The following TET3 variants were observed in gnomAD, a reference collection of about 807,000 sequenced individuals.
TET3 encodes the protein methylcytosine dioxygenase TET3.
Under a neutral mutation model 141.4 loss-of-function variants are expected in TET3, and 19 were observed. The ratio of observed to expected loss-of-function variants is 0.13; its 90% CI spans 0.09 to 0.20. The LOEUF is 0.20. Among genes scored for constraint, TET3 ranks in the 10% least tolerant of loss-of-function variants. TET3 has a pLI of 1.00. For missense variants in TET3, 1,874 were observed against 2,356.9 expected (o/e 0.80, Z 4.24); for synonymous variants, 1,043 against 980.9 (o/e 1.06, Z -1.18).
chr2:74,002,158 T>A (rs1684880749), intron 2 of TET3, among the ~76,000 whole-genome samples: 1 of 152,200 alleles, frequency 6.6e-6, no homozygotes, highest in Non-Finnish European at 1.5e-5. Context: ...CTCTGCTGTT[T>A]CCTAGCCGCA....
intron 3 of TET3, among the ~76,000 whole-genome samples, chr2:74,004,941 G>A (rs1011626425): frequency 4.6e-5 from 7 of 152,150 alleles, no homozygotes; most frequent in Non-Finnish European, 8.8e-5. Context: ...CAGGCCAACG[G>A]GATGAGGACA....
At chr2:74,023,886 C>T (rs1686202025) in intron 3 of TET3, among the ~76,000 whole-genome samples, 1 of 152,094 alleles carries the variant, frequency 6.6e-6, no homozygotes, top group South Asian at 2.1e-4. Context: ...GGAGAGTCAT[C>T]TCTTGGATTC....
At chr2:74,043,659 T>G (rs1200616429) in intron 3 of TET3, among the ~76,000 whole-genome samples, 2 of 152,112 alleles carry the variant, frequency 1.3e-5, no homozygotes, top group East Asian at 3.9e-4. Flanking sequence ...CCTGGTGACA[T>G]CAGAGAACAT....
chr2:74,117,233 T>C, the TET3 span, among the ~76,000 whole-genome samples: 1 of 152,140 alleles, frequency 6.6e-6, no homozygotes, highest in Non-Finnish European at 1.5e-5. Context: ...TGTGCCACCA[T>C]GCCTGGCTAA....
At chr2:74,063,258 A>G (rs559507094) in intron 4 of TET3, among the ~76,000 whole-genome samples, 1 of 151,484 alleles carries the variant, frequency 6.6e-6, no homozygotes, top group Non-Finnish European at 1.5e-5. Context: ...TAATTGTCCC[A>G]CCGTTGGTGA....
At chr2:74,065,661 TTTTC>T (rs780477918) in intron 4 of TET3, among the ~76,000 whole-genome samples, 8 of 151,324 alleles carry the variant, frequency 5.3e-5, no homozygotes, top group East Asian at 3.9e-4. Flanking sequence ...TTCTTTTCTT[TTTTC>T]TTTCTTTCTT....
intron 8 of TET3, 127 bp downstream of exon 8, chr2:74,090,174 T>C: frequency 7.1e-7 from 1 of 1,398,980 alleles, no homozygotes; most frequent in Non-Finnish European, 9.7e-7. Flanking sequence ...GTTTTCGTTT[T>C]TTTAAAAGCT....
At chr2:74,058,570 ATT>A (rs1295539353) in intron 4 of TET3, among the ~76,000 whole-genome samples, 1 of 152,066 alleles carries the variant, frequency 6.6e-6, no homozygotes, top group Non-Finnish European at 1.5e-5. Context: ...TTGTAGACAA[ATT>A]TTTTTTAATT....
rs970548740 is a variant in TET3, at chr2:74,107,724, A to T, written c.*5548A>T. 2.0e-5 allele frequency: 3 copies of T among 152,160 alleles called. No homozygotes were observed. Among genetic ancestry groups the T allele is most frequent in the Non-Finnish European group, 4.4e-5 (3 of 68,038 alleles). 9.4% of individuals were successfully genotyped at this position (152,160 alleles called of 1,614,324 possible). Reference sequence around the variant, plus strand: ...TTCCTGTTTGGTTACTTGGCTTCCAATGGAGGTGAACTTAACAACCATACT... The same window carrying T: ...TTCCTGTTTGGTTACTTGGCTTCCATTGGAGGTGAACTTAACAACCATACT... On this transcript the variant is annotated 3_prime_UTR_variant, in exon 12 of 12. Coordinates refer to ENST00000409262, the MANE Select transcript of TET3 (RefSeq NM_001287491.2).
chr2:74,128,182 A>AT, the TET3 span, among the ~76,000 whole-genome samples: 46 of 149,848 alleles, frequency 3.1e-4, no homozygotes, highest in East Asian at 7.6e-3. Flanking sequence ...AACTCAAGGC[A>AT]TTTTTTTTTT....
chr2:74,084,484 G>T (rs1239516874), intron 6 of TET3, among the ~76,000 whole-genome samples: 1 of 149,278 alleles, frequency 6.7e-6, no homozygotes, highest in East Asian at 2.0e-4. Flanking sequence ...ATGGAGTCTC[G>T]CTCTGTCGCC....
chr2:74,049,986 G>C (rs978910112), intron 4 of TET3, among the ~76,000 whole-genome samples: 3 of 152,142 alleles, frequency 2.0e-5, no homozygotes, highest in African/African-American at 7.2e-5. Flanking sequence ...GGGGAAACTT[G>C]TTTTGATCAT....
rs567969404 is a variant in TET3, at chr2:73,991,016, C to T, written c.303+4310C>T. On this transcript the variant is annotated intron_variant, in intron 2 of 11. Coordinates refer to ENST00000409262, the MANE Select transcript of TET3 (RefSeq NM_001287491.2). ...TAGAGATGGGGTTTCACCATGTTGG[C>T]CAGGCTGGTGTTGAACTCCTGACCT... is the stretch of plus-strand genomic sequence containing the variant. Among the ~76,000 whole-genome samples the T allele has an allele frequency of 2.0e-4, 30 of 151,952 alleles. No individual in the cohort carries two copies. The South Asian group carries it at 6.3e-3, about 32-fold the overall frequency.
chr2:74,113,375 G>C, the TET3 span, among the ~76,000 whole-genome samples: 1 of 152,038 alleles, frequency 6.6e-6, no homozygotes, highest in Non-Finnish European at 1.5e-5. Context: ...GACAGTGTGA[G>C]ACTCCGTCAA....
intron 4 of TET3, among the ~76,000 whole-genome samples, chr2:74,061,529 C>T (rs1196534730): frequency 2.0e-5 from 3 of 146,434 alleles, no homozygotes; most frequent in African/African-American, 5.0e-5. Context: ...TCCTCACTTC[C>T]CAGTAGGGGC....
chr2:74,012,781 G>C (rs1206730899), intron 3 of TET3, among the ~76,000 whole-genome samples: 1 of 152,146 alleles, frequency 6.6e-6, no homozygotes, highest in Non-Finnish European at 1.5e-5. Context: ...TGTGGGTATT[G>C]CTGATTGTTT....
the TET3 span, among the ~76,000 whole-genome samples, chr2:74,134,135 G>C: frequency 1.3e-5 from 2 of 152,276 alleles, no homozygotes; most frequent in African/African-American, 4.8e-5. Context: ...CTAATTTTGA[G>C]GTCTCTCCAT....
intron 10 of TET3, among the ~76,000 whole-genome samples, chr2:74,096,512 A>T (rs1480060635): frequency 6.6e-6 from 1 of 152,208 alleles, no homozygotes; most frequent in East Asian, 1.9e-4. Context: ...CACGCCTGTA[A>T]TCCCAGCACT....
chr2:74,052,250 G>A (rs1687985423), intron 4 of TET3, among the ~76,000 whole-genome samples: 1 of 152,144 alleles, frequency 6.6e-6, no homozygotes, highest in Non-Finnish European at 1.5e-5. Context: ...AAAGTGCTAG[G>A]ATTACAGGTA....
Sources: gnomAD v4.1 joint callset for allele counts (sites outside exome capture counted in the v4.1 genomes callset) on GRCh38, gnomAD v4.1.1 for gene constraint, MANE v1.5 for transcripts, NCBI Gene and HGNC (gene_info 2026-07-23, HGNC 2026-07-21) for gene names.